The following NEK11 variants were observed in gnomAD, a reference collection of about 807,000 sequenced individuals.
NEK11 encodes serine/threonine-protein kinase Nek11.
NEK11 carries 72 observed loss-of-function variants against 80.7 expected under a neutral mutation model. The ratio of observed to expected loss-of-function variants is 0.89; its 90% confidence interval spans 0.74 to 1.08. The LOEUF (loss-of-function observed/expected upper bound fraction) is 1.08. Ranked by LOEUF, NEK11 falls within the 50% of genes least tolerant of loss-of-function variation. The pLI, the probability that NEK11 is intolerant of heterozygous loss-of-function variation, is 0.00. For synonymous variants in NEK11, 251 were observed against 260.7 expected (o/e 0.96, Z 0.36); for missense variants, 764 against 763.6 (o/e 1.00, Z -0.01).
At position 131,127,028 on chromosome 3, in the gene NEK11, C is replaced by T. The variant is rs138135721; in HGVS notation, c.456-5717C>T. On this transcript the variant is annotated intron_variant, in intron 5 of 17. Coordinates refer to ENST00000383366, the MANE Select transcript of NEK11 (RefSeq NM_024800.5). Reference sequence around the variant, plus strand: ...TTGCCCAGGCTGGAGTACAGTGGCGCGATCCTGGCTCACTGCAACCTCCGC... The same window carrying T: ...TTGCCCAGGCTGGAGTACAGTGGCGTGATCCTGGCTCACTGCAACCTCCGC... Among the ~76,000 whole-genome samples, 760 of 138,918 alleles carry T rather than the reference C, an allele frequency of 5.5e-3. 6 individuals are homozygous for T. Among genetic ancestry groups the T allele is most frequent in the African/African-American group, 0.019 (685 of 36,702 alleles). The allele number at this position is 138,918 out of a possible 152,430, so 91.1% of individuals were successfully genotyped here.
chr3:131,313,505 A>G (rs1047200183), intron 17 of NEK11, among the ~76,000 whole-genome samples: 4 of 152,158 alleles, frequency 2.6e-5, no homozygotes, highest in African/African-American at 9.7e-5. Context: ...TTATAATCAC[A>G]GCCATTCTGA....
intron 17 of NEK11, among the ~76,000 whole-genome samples, chr3:131,315,277 C>A (rs901014464): frequency 1.3e-5 from 2 of 152,130 alleles, no homozygotes; most frequent in South Asian, 2.1e-4. Flanking sequence ...TTTAATCCCT[C>A]CCCCCAACAG....
At chr3:131,099,213 C>A (rs956428658) in intron 4 of NEK11, among the ~76,000 whole-genome samples, 5 of 152,154 alleles carry the variant, frequency 3.3e-5, no homozygotes, top group Non-Finnish European at 5.9e-5. Flanking sequence ...ATCTCAGGAC[C>A]ATTTATTGAA....
At chr3:131,162,570 C>A (rs1184929500) in intron 11 of NEK11, 43 bp downstream of exon 11, 1 of 1,598,334 alleles carries the variant, frequency 6.3e-7, no homozygotes, top group African/African-American at 1.4e-5. Context: ...GGGACTACTT[C>A]TCAGGGCTCT....
intron 4 of NEK11, among the ~76,000 whole-genome samples, chr3:131,090,079 G>A (rs1333438219): frequency 6.6e-6 from 1 of 152,100 alleles, no homozygotes; most frequent in East Asian, 1.9e-4. Context: ...GTCTTTTAAG[G>A]TTGTAAGTGC....
At chr3:131,282,333 A>G (rs11922896) in intron 17 of NEK11, among the ~76,000 whole-genome samples, 27,960 of 150,452 alleles carry the variant, frequency 0.19, 5,063 homozygotes, top group African/African-American at 0.46. Context: ...GCCCAAGTGG[A>G]CATTGCTTCT....
At chr3:131,176,445 A>C (rs1023909687) in intron 14 of NEK11, among the ~76,000 whole-genome samples, 1 of 152,194 alleles carries the variant, frequency 6.6e-6, no homozygotes, top group Non-Finnish European at 1.5e-5. Context: ...GCATTTCATA[A>C]TAGTGTTTCC....
chr3:131,259,834 T>C (rs577060761), intron 16 of NEK11, among the ~76,000 whole-genome samples: 29 of 152,312 alleles, frequency 1.9e-4, no homozygotes, highest in Non-Finnish European at 3.5e-4. Flanking sequence ...TCCCAACAGC[T>C]GGGGTAGCAA....
In NEK11 at chr3:131,110,020, T is replaced by C. The variant is rs1009397837; in HGVS notation, c.455+99T>C. 2.3e-5 allele frequency: 29 copies of C among 1,270,812 alleles called. No homozygotes were observed. The African/African-American group carries it at 2.5e-4, about 11-fold the overall frequency. 78.7% of individuals were successfully genotyped at this position (1,270,812 alleles called of 1,614,324 possible). On this transcript the variant is annotated intron_variant, in intron 5 of 17. Coordinates refer to ENST00000383366, the MANE Select transcript of NEK11 (RefSeq NM_024800.5). The stretch of plus-strand genomic sequence containing the variant: ...TTTCTATAATTGAAAGAAAACAAGT[T>C]CAAAAGGTATATGGCTAAAATTAAA...
At chr3:131,052,134 G>GTTTTTTTTTTTT (rs34528776) in intron 3 of NEK11, among the ~76,000 whole-genome samples, 14 of 127,216 alleles carry the variant, frequency 1.1e-4, no homozygotes, top group Non-Finnish European at 1.7e-4. Flanking sequence ...GGTTTTTTTT[G>GTTTTTTTTTTTT]TTTTTTTTTT....
intron 4 of NEK11, among the ~76,000 whole-genome samples, chr3:131,104,655 GTGGTA>G (rs1193504264): frequency 1.3e-5 from 2 of 152,160 alleles, no homozygotes; most frequent in African/African-American, 4.8e-5. Context: ...CACCGTGCGT[GTGGTA>G]CCTATCCTAG....
intron 17 of NEK11, among the ~76,000 whole-genome samples, chr3:131,316,138 GA>G: frequency 6.6e-6 from 1 of 151,848 alleles, no homozygotes. Flanking sequence ...CTAATTTTCT[GA>G]AAAAGGAAAA....
chr3:131,334,885 C>T (rs936154049), intron 17 of NEK11, among the ~76,000 whole-genome samples: 21 of 152,162 alleles, frequency 1.4e-4, no homozygotes, highest in Non-Finnish European at 2.9e-5. Flanking sequence ...TGGATAAATT[C>T]CTTGACCCAT....
intron 5 of NEK11, among the ~76,000 whole-genome samples, chr3:131,112,885 T>G (rs539572246): frequency 1.3e-5 from 2 of 152,292 alleles, no homozygotes; most frequent in African/African-American, 4.8e-5. Context: ...CAAGAGGGCT[T>G]TATTTTGGAG....
At chr3:131,295,157 C>T (rs547687551) in intron 17 of NEK11, among the ~76,000 whole-genome samples, 5 of 151,962 alleles carry the variant, frequency 3.3e-5, no homozygotes, top group Non-Finnish European at 7.4e-5. Flanking sequence ...TTCTTTGTTC[C>T]ATTTCTATCT....
intron 16 of NEK11, among the ~76,000 whole-genome samples, chr3:131,271,151 C>T (rs1236043329): frequency 2.0e-5 from 3 of 152,140 alleles, no homozygotes; most frequent in Admixed American, 6.5e-5. Flanking sequence ...CAAATTTTCT[C>T]TCCAGGTGTG....
At chr3:131,287,441 T>C (rs1300678628) in intron 17 of NEK11, among the ~76,000 whole-genome samples, 1 of 152,054 alleles carries the variant, frequency 6.6e-6, no homozygotes, top group East Asian at 1.9e-4. Context: ...GCCTGGCTAA[T>C]TTTTACATTT....
chr3:131,179,572 C>T (rs2093232790), intron 14 of NEK11, among the ~76,000 whole-genome samples: 1 of 152,090 alleles, frequency 6.6e-6, no homozygotes, highest in Non-Finnish European at 1.5e-5. Context: ...AAATTTGTTA[C>T]TAAATTAACA....
chr3:131,198,504 G>GC (rs1376317355), intron 14 of NEK11, among the ~76,000 whole-genome samples: 6 of 152,184 alleles, frequency 3.9e-5, no homozygotes, highest in Non-Finnish European at 8.8e-5. Context: ...CAGTGAGTAT[G>GC]CCATTCACAT....
Sources: allele counts gnomAD v4.1 joint callset (sites outside exome capture counted in the v4.1 genomes callset), GRCh38; gene constraint gnomAD v4.1.1; transcripts MANE v1.5; gene names NCBI Gene and HGNC (gene_info 2026-07-23, HGNC 2026-07-21).